PDE10A: variants seen among roughly 807,000 people sequenced by gnomAD.
The protein encoded by PDE10A is cAMP and cAMP-inhibited cGMP 3',5'-cyclic phosphodiesterase 10A.
In PDE10A, 39 loss-of-function variants were observed where a neutral mutation model predicts 97.7. The observed-to-expected ratio is 0.40, with a 90% CI of 0.31 to 0.52. PDE10A has a LOEUF of 0.52. Among genes scored for constraint, PDE10A ranks in the 20% least tolerant of loss-of-function variants. The pLI, the probability that PDE10A is intolerant of heterozygous loss-of-function variation, is 0.56. For missense variants in PDE10A, 731 were observed against 1,047.8 expected (o/e 0.70, Z 4.17); for synonymous variants, 371 against 376.8 (o/e 0.98, Z 0.18).
At chr6:165,611,064 T>A (rs1787470551) in intron 1 of PDE10A, among the ~76,000 whole-genome samples, 1 of 151,868 alleles carries the variant, frequency 6.6e-6, no homozygotes, top group South Asian at 2.1e-4. Context: ...CAAAATAGTG[T>A]TTCTTTCCAC....
At chr6:165,874,989 G>A (rs1181602454) in intron 1 of PDE10A, among the ~76,000 whole-genome samples, 1 of 151,964 alleles carries the variant, frequency 6.6e-6, no homozygotes. Flanking sequence ...TCCTAGAGAG[G>A]GACAGAAAAT....
At chr6:165,357,028 C>G (rs1438761301) in intron 18 of PDE10A, among the ~76,000 whole-genome samples, 1 of 152,088 alleles carries the variant, frequency 6.6e-6, no homozygotes, top group Non-Finnish European at 1.5e-5. Context: ...TGTTCATACA[C>G]TTTTTACAAT....
chr6:165,620,504 A>G (rs34255488), intron 1 of PDE10A, among the ~76,000 whole-genome samples: 4,297 of 152,270 alleles, frequency 0.028, 176 homozygotes, highest in African/African-American at 0.095. Flanking sequence ...TTCTTTAGAA[A>G]CAGCCGAGGA....
At chr6:165,681,644 T>A (rs1790981342) in intron 1 of PDE10A, among the ~76,000 whole-genome samples, 1 of 152,220 alleles carries the variant, frequency 6.6e-6, no homozygotes, top group Admixed American at 6.5e-5. Flanking sequence ...TTTTATATAG[T>A]TTTTTCCTTT....
intron 1 of PDE10A, among the ~76,000 whole-genome samples, chr6:165,576,114 G>C (rs973625795): frequency 4.6e-5 from 7 of 151,898 alleles, no homozygotes; most frequent in Admixed American, 3.9e-4. Context: ...AAAAATAAAG[G>C]GAAAAATCAC....
At chr6:165,546,937 G>T (rs150700967) in intron 1 of PDE10A, among the ~76,000 whole-genome samples, 2 of 152,098 alleles carry the variant, frequency 1.3e-5, no homozygotes, top group East Asian at 3.9e-4. Context: ...ACAATATCCC[G>T]GTATAATTGC....
chr6:165,685,554 C>G (rs1308441550), intron 1 of PDE10A, among the ~76,000 whole-genome samples: 2 of 152,202 alleles, frequency 1.3e-5, no homozygotes, highest in Non-Finnish European at 2.9e-5. Context: ...TGGCTCAGAG[C>G]CAGGAATCCC....
chr6:165,901,620 C>G (rs6936253), intron 1 of PDE10A, among the ~76,000 whole-genome samples: 2 of 152,006 alleles, frequency 1.3e-5, no homozygotes, highest in African/African-American at 4.8e-5. Context: ...CTGACCAACA[C>G]GGAGAAACTC....
intron 1 of PDE10A, among the ~76,000 whole-genome samples, chr6:165,573,282 T>G (rs958028583): frequency 1.2e-4 from 19 of 152,232 alleles, no homozygotes; most frequent in African/African-American, 4.6e-4. Context: ...CTGGGTTTTT[T>G]TTTTTTTTTT....
At chr6:165,399,131 C>G (rs932943429) in intron 13 of PDE10A, among the ~76,000 whole-genome samples, 8 of 152,188 alleles carry the variant, frequency 5.3e-5, no homozygotes, top group African/African-American at 1.7e-4. Flanking sequence ...ATATAACAAC[C>G]CTAAGTATTA....
chr6:165,955,551 ATCT>A (rs1412560761), intron 1 of PDE10A, among the ~76,000 whole-genome samples: 3 of 152,300 alleles, frequency 2.0e-5, no homozygotes, highest in Non-Finnish European at 4.4e-5. Flanking sequence ...ATTACCCGTA[ATCT>A]TCTTCTTACA....
Position 165,332,953 on chromosome 6 carries a change from A to AAAAAG in PDE10A, c.*67_*71dup. 1 of 713,064 alleles carries AAAAAG rather than the reference A, an allele frequency of 1.4e-6. No homozygotes were observed. Among genetic ancestry groups the AAAAAG allele is most frequent in the South Asian group, 1.4e-5 (1 of 71,504 alleles). The allele number at this position is 713,064 out of a possible 1,614,324, so 44.2% of individuals were successfully genotyped here. On this transcript the variant is annotated 3_prime_UTR_variant, in exon 22 of 22. Transcript: ENST00000539869. Reference sequence around the variant, plus strand: ...TGCAGGTTCCCCCCACCCCCCCCAAAAAAAGGAAAAGAATGTCAAAGAAGC... The same window carrying AAAAAG: ...TGCAGGTTCCCCCCACCCCCCCCAAAAAAAGAAAAGGAAAAGAATGTCAAAGAAGC...
chr6:165,926,845 T>A (rs1438493514), intron 1 of PDE10A, among the ~76,000 whole-genome samples: 1 of 152,254 alleles, frequency 6.6e-6, no homozygotes, highest in Non-Finnish European at 1.5e-5. Context: ...AAAAAGGATT[T>A]CATTTTCTAA....
At position 165,717,583 on chromosome 6, in the gene PDE10A, CA is replaced by C. The variant is rs34254822; in HGVS notation, c.-614-174016del. Among the ~76,000 whole-genome samples the C allele has an allele frequency of 2.7e-4, 39 of 146,630 alleles. 1 individual carries two copies. The highest frequency in any genetic ancestry group is 5.5e-4 in the African/African-American group (22 of 39,864). On this transcript the variant is annotated intron_variant, in intron 1 of 19. Transcript: ENST00000366882. ...TGGGCTACAGAGAGAGACTCCGTCT[CA>C]AAAAAAAAAAAGTGTATAAATGTCA...
chr6:165,457,341 T>C (rs1056889631), intron 3 of PDE10A, among the ~76,000 whole-genome samples: 3 of 121,322 alleles, frequency 2.5e-5, no homozygotes, highest in African/African-American at 1.0e-4. Context: ...AATTCCAAAG[T>C]AGAGTTAAGC....
rs146822840 is a variant in PDE10A, at chr6:165,653,649, C to T, written c.865+8298G>A. Among the ~76,000 whole-genome samples the T allele has an allele frequency of 2.1e-3, 316 of 152,294 alleles. 3 individuals carry two copies. The highest frequency in any genetic ancestry group is 0.013 in the East Asian group (67 of 5,174). The stretch of plus-strand genomic sequence containing the variant: ...TGTCTCTACCAGCGGCTCTCCAGAA[C>T]GCCCCTCATCAGGTCTGGATCCCTC... On this transcript the variant is annotated intron_variant, in intron 1 of 21. Transcript: ENST00000539869.
At chr6:165,691,111 C>CG (rs1442387822) in intron 1 of PDE10A, among the ~76,000 whole-genome samples, 5 of 107,734 alleles carry the variant, frequency 4.6e-5, no homozygotes, top group East Asian at 5.5e-4. Context: ...CTCTCTCCCC[C>CG]CCCCCATCAG....
At chr6:165,601,946 G>A (rs1786975657) in intron 1 of PDE10A, among the ~76,000 whole-genome samples, 1 of 152,120 alleles carries the variant, frequency 6.6e-6, no homozygotes, top group Non-Finnish European at 1.5e-5. Flanking sequence ...AGAGCCATGG[G>A]AAAAATCCTT....
At chr6:165,576,013 T>C (rs1159311691) in intron 1 of PDE10A, among the ~76,000 whole-genome samples, 2 of 152,260 alleles carry the variant, frequency 1.3e-5, no homozygotes, top group Non-Finnish European at 2.9e-5. Flanking sequence ...AATCCGTTAG[T>C]TTCTTGGAAA....
Sources: allele counts gnomAD v4.1 joint callset (sites outside exome capture counted in the v4.1 genomes callset), GRCh38; gene constraint gnomAD v4.1.1; transcripts MANE v1.5; gene names NCBI Gene and HGNC (gene_info 2026-07-23, HGNC 2026-07-21).